CCDC93: variants seen among roughly 807,000 people sequenced by gnomAD.
CCDC93 encodes the protein CCC complex scaffolding subunit CCDC93.
A neutral mutation model predicts 108.2 loss-of-function variants in CCDC93; 61 were observed. That is an observed-to-expected ratio of 0.56 (90% CI 0.46 to 0.70). The LOEUF (loss-of-function observed/expected upper bound fraction) is 0.70, where lower values mean the gene tolerates loss of function less well. CCDC93 is among the 30% of genes least tolerant of loss of function. The pLI is 0.00. For synonymous variants in CCDC93, 276 were observed against 260.4 expected (o/e 1.06, Z -0.58); for missense variants, 685 against 764.2 (o/e 0.90, Z 1.22).
chr2:117,942,491 C>T (rs1415119421), intron 18 of CCDC93, among the ~76,000 whole-genome samples: 1 of 152,214 alleles, frequency 6.6e-6, no homozygotes, highest in African/African-American at 2.4e-5. Context: ...GCCAAAGTCA[C>T]TGCACACCTT....
chr2:117,926,843 T>C (rs1027619975), intron 23 of CCDC93, among the ~76,000 whole-genome samples: 4 of 152,154 alleles, frequency 2.6e-5, no homozygotes, highest in Non-Finnish European at 5.9e-5. Flanking sequence ...CCAATATCCC[T>C]GATGAACATT....
intron 14 of CCDC93, 47 bp downstream of exon 14, chr2:117,949,275 A>G: frequency 7.8e-7 from 1 of 1,286,776 alleles, no homozygotes; most frequent in South Asian, 1.2e-5. Context: ...GTATCAGCAA[A>G]GTCACTTTCA....
chr2:117,941,899 G>A (rs1459983414), intron 18 of CCDC93, among the ~76,000 whole-genome samples: 1 of 152,194 alleles, frequency 6.6e-6, no homozygotes, highest in African/African-American at 2.4e-5. Flanking sequence ...CTTGTGCATG[G>A]CTCCCACTGA....
chr2:117,932,706 C>T (rs937775299), intron 22 of CCDC93, among the ~76,000 whole-genome samples: 1 of 152,236 alleles, frequency 6.6e-6, no homozygotes, highest in Admixed American at 6.5e-5. Context: ...GTCCTGATCC[C>T]TGTCGATGGA....
intron 3 of CCDC93, among the ~76,000 whole-genome samples, chr2:118,005,079 T>C (rs1268468014): frequency 6.6e-6 from 1 of 152,206 alleles, no homozygotes; most frequent in Non-Finnish European, 1.5e-5. Context: ...AAGCTTTGTA[T>C]CTAAACCTAA....
intron 6 of CCDC93, 81 bp from the exon 7 acceptor site, chr2:117,986,150 G>A (rs899968426): frequency 4.0e-5 from 25 of 621,448 alleles, no homozygotes; most frequent in Middle Eastern, 3.4e-4. Flanking sequence ...CCAGCCATGG[G>A]GTATATTCTC....
In CCDC93 at chr2:117,916,500, A is replaced by G. The variant is rs1407224620; in HGVS notation, c.*3843T>C. The stretch of plus-strand genomic sequence containing the variant: ...AAGCATCAAGTAGAGGAAAGGTTCA[A>G]TCTAAATTTTCCTAATAGAGATGCA... On this transcript the variant is annotated 3_prime_UTR_variant, in exon 24 of 24. Transcript: ENST00000376300. 1 of 152,190 alleles carries G rather than the reference A, an allele frequency of 6.6e-6. No homozygotes were observed. The highest frequency in any genetic ancestry group is 2.4e-5 in the African/African-American group (1 of 41,458). The allele number at this position is 152,190 out of a possible 1,614,324, so 9.4% of individuals were successfully genotyped here.
At chr2:117,928,003 A>G (rs1014747961) in intron 23 of CCDC93, among the ~76,000 whole-genome samples, 2 of 152,240 alleles carry the variant, frequency 1.3e-5, no homozygotes, top group Non-Finnish European at 2.9e-5. Flanking sequence ...AAAACAAGAA[A>G]TGGGGAAAGG....
intron 7 of CCDC93, among the ~76,000 whole-genome samples, chr2:117,980,092 G>A (rs1680070516): frequency 6.6e-6 from 1 of 152,158 alleles, no homozygotes; most frequent in African/African-American, 2.4e-5. Flanking sequence ...TTGTCAAGCC[G>A]CTATAGCACC....
At position 117,993,096 on chromosome 2, in the gene CCDC93, T is replaced by C. The variant is rs1680528998; in HGVS notation, c.519+2350A>G. On this transcript the variant is annotated intron_variant, in intron 6 of 23. Coordinates refer to ENST00000376300, the MANE Select transcript of CCDC93 (RefSeq NM_019044.5). The stretch of plus-strand genomic sequence containing the variant: ...CACATAAAGATATTCGATTAAGCAT[T>C]AAAAATTTTTAATGTTTGGGCCGGG... 2.0e-5 allele frequency among the ~76,000 whole-genome samples: 3 copies of C among 152,068 alleles called. No homozygotes were observed. In the South Asian group the frequency reaches 6.2e-4, roughly 32 times the overall value.
intron 1 of CCDC93, among the ~76,000 whole-genome samples, chr2:118,009,937 G>C (rs1253820320): frequency 6.6e-6 from 1 of 150,814 alleles, no homozygotes; most frequent in Non-Finnish European, 1.5e-5. Context: ...TTTTGTTTTT[G>C]TTTTTGAGAC....
At chr2:117,981,200 T>A (rs1368829296) in intron 7 of CCDC93, among the ~76,000 whole-genome samples, 4 of 152,254 alleles carry the variant, frequency 2.6e-5, no homozygotes, top group African/African-American at 9.6e-5. Context: ...TAAATATTCA[T>A]GTACAGCTTC....
intron 13 of CCDC93, chr2:117,950,653 C>T (rs1381579519): frequency 1.0e-6 from 1 of 985,320 alleles, no homozygotes; most frequent in Admixed American, 6.1e-5. Context: ...ATTCTGCTTA[C>T]TCCTAACCTT....
In CCDC93 at chr2:117,933,705, C is replaced by CT. The variant is rs77802787; in HGVS notation, c.1728+1789dup. Among the ~76,000 whole-genome samples, 277 of 144,722 alleles carry CT rather than the reference C, an allele frequency of 1.9e-3. 2 individuals are homozygous for CT. Among genetic ancestry groups the CT allele is most frequent in the East Asian group, 0.012 (60 of 4,964 alleles). 94.9% of individuals were successfully genotyped at this position (144,722 alleles called of 152,430 possible). A position where few individuals can be genotyped will look rare whatever the true frequency, so the allele number is the denominator to read the frequency against. ...CATTAAGGCACTGTTACAGGGAAAGCTTTTTTTTTTTTTTAAACAAACACA... is the reference window on the plus strand; with the variant it reads ...CATTAAGGCACTGTTACAGGGAAAGCTTTTTTTTTTTTTTTAAACAAACACA... On this transcript the variant is annotated intron_variant, in intron 22 of 23. Transcript: ENST00000376300.
chr2:118,004,984 T>C (rs1676825429), intron 3 of CCDC93, among the ~76,000 whole-genome samples: 1 of 152,180 alleles, frequency 6.6e-6, no homozygotes, highest in Non-Finnish European at 1.5e-5. Flanking sequence ...AAAAAATTTA[T>C]TTAGCAAAAC....
At chr2:117,951,729 T>C (rs1679062920) in intron 13 of CCDC93, 5 of 988,590 alleles carry the variant, frequency 5.1e-6, no homozygotes, top group Non-Finnish European at 6.1e-6. Flanking sequence ...CAGAAATATC[T>C]ACACACTGCT....
chr2:117,955,937 T>C (rs560188399), intron 12 of CCDC93, among the ~76,000 whole-genome samples: 1 of 152,362 alleles, frequency 6.6e-6, no homozygotes, highest in East Asian at 1.9e-4. Flanking sequence ...CTATTTATTC[T>C]TATCTTTATA....
At chr2:117,928,696 G>A (rs1030943022) in intron 23 of CCDC93, among the ~76,000 whole-genome samples, 1 of 152,182 alleles carries the variant, frequency 6.6e-6, no homozygotes, top group East Asian at 1.9e-4. Context: ...GTGGAAGTCA[G>A]TGTGGCGATT....
At chr2:118,001,585 G>A (rs1558804542) in intron 3 of CCDC93, among the ~76,000 whole-genome samples, 2 of 91,228 alleles carry the variant, frequency 2.2e-5, no homozygotes, top group South Asian at 3.5e-4. Context: ...AAGGGACACC[G>A]ACCTTTCTCT....
Sources: allele counts gnomAD v4.1 joint callset (sites outside exome capture counted in the v4.1 genomes callset), GRCh38; gene constraint gnomAD v4.1.1; transcripts MANE v1.5; gene names NCBI Gene and HGNC (gene_info 2026-07-23, HGNC 2026-07-21).